Variants in TTC3 observed in about 807,000 individuals in gnomAD.
TTC3 encodes E3 ubiquitin-protein ligase TTC3.
Under a neutral mutation model 249.6 loss-of-function variants are expected in TTC3, and 180 were observed. The observed-to-expected ratio is 0.72, with a 90% CI of 0.64 to 0.82. TTC3 has a LOEUF of 0.82. TTC3 is among the 40% of genes least tolerant of loss of function. The pLI, the probability that TTC3 is intolerant of heterozygous loss-of-function variation, is 0.00. For synonymous variants in TTC3, 717 were observed against 805.0 expected (o/e 0.89, Z 1.85); for missense variants, 2,061 against 2,398.4 (o/e 0.86, Z 2.94).
At chr21:37,109,809 C>T (rs1347119662) in intron 11 of TTC3, among the ~76,000 whole-genome samples, 1 of 152,230 alleles carries the variant, frequency 6.6e-6, no homozygotes, top group Non-Finnish European at 1.5e-5. Context: ...GGAGGCACCC[C>T]CCAGTAGGGG....
chr21:37,167,755 CA>C, intron 34 of TTC3, 135 bp downstream of exon 34: 2 of 493,906 alleles, frequency 4.0e-6, no homozygotes, highest in Non-Finnish European at 6.5e-6. Flanking sequence ...GAGAACATAA[CA>C]AAAAAATGAT....
At chr21:37,087,260 G>T (rs747537722) in exon 2 of TTC3, 1 of 1,613,700 alleles carries the variant, frequency 6.2e-7, no homozygotes, top group Non-Finnish European at 8.5e-7. Context: ...TGTGCACCAT[G>T]GACAATTTTG....
At chr21:37,187,777 A>G (rs750046092) in intron 38 of TTC3, 1 of 152,270 alleles carries the variant, frequency 6.6e-6, no homozygotes, top group Admixed American at 6.5e-5. Context: ...AGGCTTTTCA[A>G]TTAAGAATTG....
intron 22 of TTC3, among the ~76,000 whole-genome samples, chr21:37,148,048 A>G (rs2079135353): frequency 6.6e-6 from 1 of 152,164 alleles, no homozygotes; most frequent in Non-Finnish European, 1.5e-5. Flanking sequence ...TTAGGTCTAC[A>G]TCGTCTCACA....
At chr21:37,176,763 T>C (rs920652598) in intron 35 of TTC3, among the ~76,000 whole-genome samples, 3 of 152,276 alleles carry the variant, frequency 2.0e-5, no homozygotes, top group East Asian at 3.9e-4. Context: ...GAAATGGAGG[T>C]GGGAGCAGCT....
At chr21:37,169,425 TC>T (rs1424040272) in intron 34 of TTC3, among the ~76,000 whole-genome samples, 2 of 152,068 alleles carry the variant, frequency 1.3e-5, no homozygotes, top group Non-Finnish European at 2.9e-5. Flanking sequence ...TTACCTGTAA[TC>T]CCAGCTACTT....
chr21:37,094,259 T>G (rs2073669624), intron 8 of TTC3, among the ~76,000 whole-genome samples, 169 bp downstream of exon 8: 1 of 152,194 alleles, frequency 6.6e-6, no homozygotes, highest in African/African-American at 2.4e-5. Context: ...TTAAAAACCA[T>G]TAATTGAAAG....
intron 11 of TTC3, among the ~76,000 whole-genome samples, chr21:37,108,940 A>G (rs1231761343): frequency 6.6e-6 from 1 of 152,244 alleles, no homozygotes. Flanking sequence ...TATAACTGGT[A>G]GGATTTACAG....
intron 27 of TTC3, among the ~76,000 whole-genome samples, chr21:37,155,264 A>G (rs1350799241): frequency 7.8e-6 from 1 of 127,982 alleles, no homozygotes; most frequent in Non-Finnish European, 1.6e-5. Context: ...TCCAGTTTTT[A>G]TGTTCAGCAA....
At chr21:37,108,597 C>T (rs746230520) in intron 11 of TTC3, 151 bp downstream of exon 11, 49 of 743,730 alleles carry the variant, frequency 6.6e-5, no homozygotes, top group South Asian at 2.5e-4. Context: ...CCATGATCAG[C>T]GTGGGGACCC....
chr21:37,165,559 T>G, exon 33 of TTC3: 1 of 1,585,246 alleles, frequency 6.3e-7, no homozygotes, highest in Middle Eastern at 1.7e-4. Flanking sequence ...GTTACTTCTC[T>G]CAGTTTTTGG....
intron 42 of TTC3, among the ~76,000 whole-genome samples, chr21:37,196,712 A>T (rs776502682): frequency 1.3e-5 from 2 of 152,126 alleles, no homozygotes; most frequent in African/African-American, 2.4e-5. Context: ...ATTTGGGGGG[A>T]CAAAATTATA....
At chr21:37,197,754 TAAAA>T in intron 43 of TTC3, 58 bp downstream of exon 43, 2 of 1,361,856 alleles carry the variant, frequency 1.5e-6, no homozygotes, top group African/African-American at 1.5e-5. Context: ...TGAGAATTGT[TAAAA>T]AAAAAAAAAA....
In TTC3 at chr21:37,088,590, G is replaced by T. The variant is rs3819262; in HGVS notation, c.339-209G>T. Among the ~76,000 whole-genome samples the T allele has an allele frequency of 0.66, 99,225 of 151,342 alleles. 32,726 individuals carry two copies. Among genetic ancestry groups the T allele is most frequent in the Admixed American group, 0.69 (10,525 of 15,232 alleles). Reference sequence around the variant, plus strand: ...AGCTGAGTCAGGAGGAATTAACATGGGTGTTTATAAGTATCAGTGTTATAG... The same window carrying T: ...AGCTGAGTCAGGAGGAATTAACATGTGTGTTTATAAGTATCAGTGTTATAG... On this transcript the variant is annotated intron_variant, in intron 4 of 45. Coordinates refer to ENST00000355666, the Ensembl canonical transcript of TTC3.
In TTC3 at chr21:37,147,886, G is replaced by A. The variant is rs1222279003; in HGVS notation, c.2016+283G>A. Among the ~76,000 whole-genome samples the A allele has an allele frequency of 2.6e-5, 4 of 152,064 alleles. No individual in the cohort carries two copies. In the East Asian group the frequency reaches 5.8e-4, roughly 22 times the overall value. On this transcript the variant is annotated intron_variant, in intron 22 of 45. Coordinates refer to ENST00000355666, the Ensembl canonical transcript of TTC3. ...TGGGATTACAGGCGTGTCCCAGCAC[G>A]CCCAGCTAATTTTTGCATTTTTAGT...
chr21:37,087,313 A>T, exon 2 of TTC3: 1 of 1,614,064 alleles, frequency 6.2e-7, no homozygotes, highest in Non-Finnish European at 8.5e-7. Flanking sequence ...TTGTTAGAAG[A>T]TTGCCCTCAC....
chr21:37,118,110 A>C (rs2076304076), intron 11 of TTC3, among the ~76,000 whole-genome samples: 1 of 104,558 alleles, frequency 9.6e-6, no homozygotes, highest in Non-Finnish European at 2.0e-5. Flanking sequence ...CTACATAACT[A>C]GGTTATTTTT....
chr21:37,080,183 C>T (rs2071439466), intron 1 of TTC3, among the ~76,000 whole-genome samples: 1 of 152,106 alleles, frequency 6.6e-6, no homozygotes, highest in Non-Finnish European at 1.5e-5. Flanking sequence ...GCTTATCTAA[C>T]ATAGTTTAAT....
chr21:37,147,542 G>A, exon 22 of TTC3: 1 of 1,610,796 alleles, frequency 6.2e-7, no homozygotes, highest in East Asian at 2.2e-5. Context: ...GCCATTTGTT[G>A]CTATCAGAAG....
Sources: gnomAD v4.1 joint callset for allele counts (sites outside exome capture counted in the v4.1 genomes callset) on GRCh38, gnomAD v4.1.1 for gene constraint, MANE v1.5 for transcripts, NCBI Gene and HGNC (gene_info 2026-07-23, HGNC 2026-07-21) for gene names.